PKNOX1: variants seen among roughly 807,000 people sequenced by gnomAD.
PKNOX1 encodes the protein PBX/knotted 1 homeobox 1.
A neutral mutation model predicts 51.9 loss-of-function variants in PKNOX1; 15 were observed. That is an observed-to-expected ratio of 0.29 (90% CI 0.19 to 0.45). The LOEUF (loss-of-function observed/expected upper bound fraction) is 0.45. Among genes scored for constraint, PKNOX1 ranks in the 20% least tolerant of loss-of-function variants. The probability of loss-of-function intolerance (pLI) is 1.00; values close to 1 mark genes in which losing one functional copy is unlikely to be tolerated. For missense variants in PKNOX1, 462 were observed against 547.5 expected, an observed-to-expected ratio of 0.84 and a Z score of 1.56; for synonymous variants, 219 against 211.1, an observed-to-expected ratio of 1.04 and a Z score of -0.32.
intron 1 of PKNOX1, among the ~76,000 whole-genome samples, chr21:42,988,786 TGA>T (rs1223591491): frequency 2.6e-5 from 4 of 151,968 alleles, no homozygotes; most frequent in Admixed American, 1.3e-4. Context: ...AGTGGGTTGA[TGA>T]GAGGGAGCCT....
intron 1 of PKNOX1, among the ~76,000 whole-genome samples, chr21:42,987,588 G>A (rs1367217736): frequency 6.8e-6 from 1 of 147,024 alleles, no homozygotes; most frequent in Admixed American, 6.8e-5. Flanking sequence ...CCTTTTTTTT[G>A]TATGGCCCTA....
rs1423613257 is a variant in PKNOX1 at position 43,018,176 on chromosome 21, C to T, written c.666C>T (p.Gly222=). The T allele has an allele frequency of 6.2e-7, 1 of 1,613,652 alleles. No homozygotes were observed. Residue 222 remains glycine, a synonymous_variant, in exon 7 of 11, where the codon GGC becomes GGT. Transcript: ENST00000291547. ...YQPVTVVTPQ[G]QVVTQTLSPG... Reference sequence around the variant, plus strand: ...CTGTCACGGTCGTCACTCCCCAAGGCCAAGTGGTCACACAGACATTGTCGC... The same window carrying T: ...CTGTCACGGTCGTCACTCCCCAAGGTCAAGTGGTCACACAGACATTGTCGC...
At position 43,030,605 on chromosome 21, in the gene PKNOX1, C is replaced by CAA. The variant is rs1338430306; in HGVS notation, c.*505_*506dup. Reference sequence around the variant, plus strand: ...GTGAGTGGATGGACGGCAAGCTTAGCAAGCCTAAGTCCCCTCATGTTCAGT... The same window carrying CAA: ...GTGAGTGGATGGACGGCAAGCTTAGCAAAAGCCTAAGTCCCCTCATGTTCAGT... On this transcript the variant is annotated 3_prime_UTR_variant, in exon 11 of 11. Coordinates refer to ENST00000291547, the MANE Select transcript of PKNOX1 (RefSeq NM_004571.5). The CAA allele has an allele frequency of 6.5e-6, 1 of 152,726 alleles. No homozygotes were observed. Among genetic ancestry groups the CAA allele is most frequent in the Non-Finnish European group, 1.5e-5 (1 of 68,114 alleles). The allele number at this position is 152,726 out of a possible 1,614,324, so 9.5% of individuals were successfully genotyped here.
intron 1 of PKNOX1, among the ~76,000 whole-genome samples, chr21:42,991,399 TA>T (rs1345757766): frequency 3.3e-5 from 5 of 151,664 alleles, no homozygotes; most frequent in African/African-American, 1.2e-4. Context: ...GTGGCTTAAC[TA>T]TACAGAGAGG....
At chr21:42,978,845 C>T (rs913286353) in intron 1 of PKNOX1, among the ~76,000 whole-genome samples, 1 of 152,070 alleles carries the variant, frequency 6.6e-6, no homozygotes, top group Non-Finnish European at 1.5e-5. Context: ...GTCTCAAACT[C>T]CTGGCCTCAA....
intron 1 of PKNOX1, among the ~76,000 whole-genome samples, chr21:42,975,019 C>T (rs1366682079): frequency 1.4e-5 from 2 of 140,702 alleles, no homozygotes; most frequent in Admixed American, 7.0e-5. Context: ...CTAACCGTCC[C>T]TTTCGGAGTG....
At position 43,008,919 on chromosome 21, in the gene PKNOX1, C is replaced by T. The variant is rs1351725274; in HGVS notation, c.180-1134C>T. ...TACATGAATTTTCATAGCAGCACAG[C>T]CTATCATGGCCAAAAGCTGGAAACA... On this transcript the variant is annotated intron_variant, in intron 3 of 10. Coordinates refer to ENST00000291547, the MANE Select transcript of PKNOX1 (RefSeq NM_004571.5). Among the ~76,000 whole-genome samples the T allele has an allele frequency of 2.0e-5, 3 of 152,264 alleles. No homozygotes were observed. The East Asian group carries it at 5.8e-4, about 29-fold the overall frequency.
chr21:43,029,054 A>C lies in PKNOX1; in HGVS notation c.1099+180A>C, dbSNP rs991552125. On this transcript the variant is annotated intron_variant, in intron 10 of 10. Transcript: ENST00000291547. The stretch of plus-strand genomic sequence containing the variant: ...GCATTCTGCGTGCACGGGAGCTCTC[A>C]GTAAGAGTTAGGAGCACCAGTAGTA... The C allele has an allele frequency of 7.8e-6, 5 of 639,850 alleles. No individual in the cohort carries two copies. The African/African-American group carries it at 9.1e-5, about 12-fold the overall frequency. 39.6% of individuals were successfully genotyped at this position (639,850 alleles called of 1,614,324 possible).
intron 5 of PKNOX1, 133 bp from the exon 6 acceptor site, chr21:43,016,775 A>G: frequency 1.7e-6 from 1 of 580,298 alleles, no homozygotes; most frequent in Non-Finnish European, 3.0e-6. Context: ...AAGCCGCGTC[A>G]TCTGAGGATG....
chr21:43,024,784 A>G, intron 8 of PKNOX1, 87 bp from the exon 9 acceptor site: 1 of 815,488 alleles, frequency 1.2e-6, no homozygotes, highest in Non-Finnish European at 2.1e-6. Flanking sequence ...TTTTCTAATG[A>G]TTATGTAATG....
chr21:43,018,113 T>G lies in PKNOX1; in HGVS notation c.623-20T>G. ...ATTGAGACTTAAAAGCAGCCTCATA[T>G]TTTTATTCTCCCTTTCGAGGTGGCA... On this transcript the variant is annotated intron_variant, in intron 6 of 10. Coordinates refer to ENST00000291547, the MANE Select transcript of PKNOX1 (RefSeq NM_004571.5). 1.4e-6 allele frequency: 2 copies of G among 1,398,788 alleles called. No individual in the cohort carries two copies. The highest frequency in any genetic ancestry group is 1.0e-6 in the Non-Finnish European group (1 of 986,390). The allele number at this position is 1,398,788 out of a possible 1,614,324, so 86.6% of individuals were successfully genotyped here. A position where few individuals can be genotyped will look rare whatever the true frequency, so the allele number is the denominator to read the frequency against.
chr21:42,996,578 A>C (rs1177394655), intron 1 of PKNOX1, among the ~76,000 whole-genome samples: 2 of 151,754 alleles, frequency 1.3e-5, no homozygotes, highest in African/African-American at 4.9e-5. Flanking sequence ...CTCATAAAGA[A>C]TTGTCTCCCA....
At chr21:42,988,861 C>T (rs2059070541) in intron 1 of PKNOX1, among the ~76,000 whole-genome samples, 1 of 151,160 alleles carries the variant, frequency 6.6e-6, no homozygotes, top group Admixed American at 6.6e-5. Flanking sequence ...TGAGGACCCC[C>T]TCACTGGTCT....
chr21:43,029,155 C>T (rs1980114689), intron 10 of PKNOX1, among the ~76,000 whole-genome samples: 1 of 152,190 alleles, frequency 6.6e-6, no homozygotes, highest in Non-Finnish European at 1.5e-5. Context: ...CATGGATCTT[C>T]TCCTTTGCTT....
At position 43,032,135 on chromosome 21, in the gene PKNOX1, C is replaced by T; in HGVS notation, c.*2034C>T. 2.2e-6 allele frequency: 1 copy of T among 456,042 alleles called. No individual in the cohort carries two copies. The highest frequency in any genetic ancestry group is 4.4e-6 in the Non-Finnish European group (1 of 226,842). The allele number at this position is 456,042 out of a possible 1,614,324, so 28.2% of individuals were successfully genotyped here. Reference sequence around the variant, plus strand: ...TCAGCCTCCCAAAGTGCTGGGATTACAGGTGTGAGCCACCGCGCCCGGCCG... The same window carrying T: ...TCAGCCTCCCAAAGTGCTGGGATTATAGGTGTGAGCCACCGCGCCCGGCCG... On this transcript the variant is annotated 3_prime_UTR_variant, in exon 11 of 11. Coordinates refer to ENST00000291547, the MANE Select transcript of PKNOX1 (RefSeq NM_004571.5).
intron 1 of PKNOX1, among the ~76,000 whole-genome samples, chr21:42,998,434 A>G (rs1978605385): frequency 6.6e-6 from 1 of 152,136 alleles, no homozygotes; most frequent in Non-Finnish European, 1.5e-5. Context: ...TCATGTTTCA[A>G]AACCAATCAT....
chr21:42,976,469 C>A (rs1347479993), intron 1 of PKNOX1, among the ~76,000 whole-genome samples: 1 of 152,154 alleles, frequency 6.6e-6, no homozygotes, highest in Non-Finnish European at 1.5e-5. Context: ...TGAAAGACTT[C>A]TTTGTAGCAT....
intron 1 of PKNOX1, among the ~76,000 whole-genome samples, chr21:42,979,212 C>T (rs1234618550): frequency 6.6e-6 from 1 of 152,206 alleles, no homozygotes; most frequent in Admixed American, 6.5e-5. Context: ...ATCACTGTTC[C>T]TGACCTGAAC....
At chr21:43,018,977 C>G (rs549767491) in intron 7 of PKNOX1, among the ~76,000 whole-genome samples, 1 of 150,812 alleles carries the variant, frequency 6.6e-6, no homozygotes, top group African/African-American at 2.4e-5. Context: ...CCCAGCTACT[C>G]GGGAGGCTGA....
Sources: allele counts gnomAD v4.1 joint callset (sites outside exome capture counted in the v4.1 genomes callset), GRCh38; gene constraint gnomAD v4.1.1; transcripts MANE v1.5; gene names NCBI Gene and HGNC (gene_info 2026-07-23, HGNC 2026-07-21).